The following LRP1B variants were observed in gnomAD, a reference collection of about 807,000 sequenced individuals.
LRP1B encodes the protein low-density lipoprotein receptor-related protein 1B.
A neutral mutation model predicts 556.6 loss-of-function variants in LRP1B; 217 were observed. That is an observed-to-expected ratio of 0.39 (90% CI 0.35 to 0.44). The LOEUF (loss-of-function observed/expected upper bound fraction) is 0.44, where lower values mean the gene tolerates loss of function less well. Among genes scored for constraint, LRP1B ranks in the 20% least tolerant of loss-of-function variants. LRP1B has a pLI of 1.00. For missense variants in LRP1B, 5,053 were observed against 5,620.8 expected, an observed-to-expected ratio of 0.90 and a Z score of 3.23; for synonymous variants, 2,047 against 1,865.8, an observed-to-expected ratio of 1.10 and a Z score of -2.50.
At chr2:141,540,382 T>C (rs555034589) in intron 2 of LRP1B, among the ~76,000 whole-genome samples, 1 of 152,182 alleles carries the variant, frequency 6.6e-6, no homozygotes, top group African/African-American at 2.4e-5. Context: ...TCATCATTAA[T>C]AGATGCATTT....
chr2:140,610,349 T>C (rs867566876), intron 41 of LRP1B, among the ~76,000 whole-genome samples: 59 of 152,304 alleles, frequency 3.9e-4, no homozygotes, highest in Middle Eastern at 6.8e-3. Flanking sequence ...TCTGAATCCA[T>C]TGAGCAATCA....
chr2:140,958,649 T>C (rs1260865648), intron 18 of LRP1B, among the ~76,000 whole-genome samples: 1 of 151,570 alleles, frequency 6.6e-6, no homozygotes, highest in African/African-American at 2.4e-5. Context: ...TCCCAGAATT[T>C]AAGGAGACAT....
Position 140,399,047 on chromosome 2 carries a change from G to A in LRP1B, c.10415-13038C>T, listed in dbSNP as rs554496998. Among the ~76,000 whole-genome samples the A allele has an allele frequency of 2.6e-5, 4 of 152,148 alleles. No individual in the cohort carries two copies. In the East Asian group the frequency reaches 7.7e-4, roughly 29 times the overall value. ...AATAAAATAAAAAATGTGCTAATGA[G>A]TCCGATTGAATAAACCATTCAAATA... On this transcript the variant is annotated intron_variant, in intron 66 of 90. Transcript: ENST00000389484.
At chr2:141,316,325 A>G (rs2105461102) in intron 3 of LRP1B, among the ~76,000 whole-genome samples, 1 of 152,330 alleles carries the variant, frequency 6.6e-6, no homozygotes, top group African/African-American at 2.4e-5. Context: ...CGTTATTGCA[A>G]TGAGAAAGTT....
chr2:141,959,512 G>A (rs1169240805), intron 1 of LRP1B, among the ~76,000 whole-genome samples: 1 of 151,810 alleles, frequency 6.6e-6, no homozygotes, highest in Admixed American at 6.6e-5. Context: ...ATGGGTTGCT[G>A]TACTGCAAAG....
At chr2:142,024,268 A>C (rs1703433576) in intron 1 of LRP1B, among the ~76,000 whole-genome samples, 1 of 152,232 alleles carries the variant, frequency 6.6e-6, no homozygotes, top group Admixed American at 6.5e-5. Flanking sequence ...CTATTCTGGC[A>C]GTTATCCTAA....
rs909939985 is a variant in LRP1B at position 141,132,303 on chromosome 2, G to A, written c.1013+56118C>T. 2.0e-5 allele frequency among the ~76,000 whole-genome samples: 3 copies of A among 151,896 alleles called. No individual in the cohort carries two copies. In the South Asian group the frequency reaches 6.2e-4, roughly 32 times the overall value. On this transcript the variant is annotated intron_variant, in intron 7 of 90. Coordinates refer to ENST00000389484, the MANE Select transcript of LRP1B (RefSeq NM_018557.3). ...TTGTTCTTGCCATAGTTGTGTTATT[G>A]CTCTCACAAGACTGACTTGGTTCTC...
intron 66 of LRP1B, among the ~76,000 whole-genome samples, chr2:140,394,040 CA>C (rs1317969736): frequency 2.0e-5 from 3 of 151,476 alleles, no homozygotes; most frequent in Non-Finnish European, 4.4e-5. Flanking sequence ...TGACTGATTA[CA>C]AGTTCACCCA....
intron 1 of LRP1B, among the ~76,000 whole-genome samples, chr2:142,038,163 A>G (rs921363637): frequency 6.6e-6 from 1 of 151,620 alleles, no homozygotes; most frequent in African/African-American, 2.4e-5. Flanking sequence ...TCTTTCAGCT[A>G]TTGCTCATTT....
At chr2:141,029,530 G>A (rs1263083236) in intron 11 of LRP1B, among the ~76,000 whole-genome samples, 1 of 152,108 alleles carries the variant, frequency 6.6e-6, no homozygotes, top group Non-Finnish European at 1.5e-5. Context: ...CTCCACAGGG[G>A]AGGCAAACTA....
chr2:142,058,950 A>G (rs1158447998), intron 1 of LRP1B, among the ~76,000 whole-genome samples: 2 of 152,146 alleles, frequency 1.3e-5, no homozygotes, highest in Admixed American at 1.3e-4. Flanking sequence ...TTTGTAAAAT[A>G]GGAGAAATAG....
At chr2:141,407,185 A>G (rs1028530663) in intron 3 of LRP1B, among the ~76,000 whole-genome samples, 1 of 152,148 alleles carries the variant, frequency 6.6e-6, no homozygotes, top group Non-Finnish European at 1.5e-5. Flanking sequence ...TATATTCTAT[A>G]CATTTTGAGA....
chr2:141,700,156 C>A (rs558389154), intron 2 of LRP1B, among the ~76,000 whole-genome samples: 12 of 151,688 alleles, frequency 7.9e-5, no homozygotes, highest in African/African-American at 2.4e-4. Context: ...ATTAATCAAG[C>A]AAAATAGTGT....
At chr2:141,695,235 A>T (rs1235859193) in intron 2 of LRP1B, among the ~76,000 whole-genome samples, 2 of 151,988 alleles carry the variant, frequency 1.3e-5, no homozygotes, top group East Asian at 3.9e-4. Flanking sequence ...GGAGGTGCAT[A>T]ATATATACAA....
chr2:140,843,486 G>A (rs551659954), intron 29 of LRP1B, among the ~76,000 whole-genome samples: 5 of 152,036 alleles, frequency 3.3e-5, no homozygotes, highest in African/African-American at 1.2e-4. Flanking sequence ...TCCATATAGC[G>A]TGACTATAGC....
At chr2:140,872,368 T>TTTTTTTTTTTTTC (rs1693165695) in intron 25 of LRP1B, among the ~76,000 whole-genome samples, 1 of 143,462 alleles carries the variant, frequency 7.0e-6, no homozygotes, top group African/African-American at 2.6e-5. Context: ...TGATTTTTTT[T>TTTTTTTTTTTTTC]TTTTTTTTTT....
chr2:141,876,554 A>G (rs1028380148), intron 1 of LRP1B, among the ~76,000 whole-genome samples: 3 of 151,984 alleles, frequency 2.0e-5, no homozygotes, highest in Non-Finnish European at 4.4e-5. Flanking sequence ...TCACTTCAGA[A>G]GTTCAGTTCA....
intron 5 of LRP1B, among the ~76,000 whole-genome samples, chr2:141,233,272 C>A (rs1014936930): frequency 6.6e-6 from 1 of 152,072 alleles, no homozygotes; most frequent in Admixed American, 6.6e-5. Context: ...CTTAGAGAAC[C>A]AAGACTTTGG....
At chr2:141,548,746 T>C (rs1685641647) in intron 2 of LRP1B, among the ~76,000 whole-genome samples, 1 of 152,188 alleles carries the variant, frequency 6.6e-6, no homozygotes, top group African/African-American at 2.4e-5. Context: ...GGTGTATGTA[T>C]AAATCCTGCT....
Sources: gnomAD v4.1 joint callset for allele counts (sites outside exome capture counted in the v4.1 genomes callset) on GRCh38, gnomAD v4.1.1 for gene constraint, MANE v1.5 for transcripts, NCBI Gene and HGNC (gene_info 2026-07-23, HGNC 2026-07-21) for gene names.